The following CRMP1 variants were observed in gnomAD, a reference collection of about 807,000 sequenced individuals.
The protein encoded by CRMP1 is dihydropyrimidinase-related protein 1.
CRMP1 carries 19 observed loss-of-function variants against 68.3 expected under a neutral mutation model. The observed-to-expected ratio is 0.28, with a 90% CI of 0.19 to 0.41. The LOEUF is 0.41. Ranked by LOEUF, CRMP1 falls within the 10% of genes least tolerant of loss-of-function variation. CRMP1 has a pLI of 1.00. For missense variants in CRMP1, 791 were observed against 967.4 expected (o/e 0.82, Z 2.42); for synonymous variants, 439 against 399.6 (o/e 1.10, Z -1.18).
rs1714342972 is a variant in CRMP1, at chr4:5,870,213, C to G, written c.382-3457G>C. Reference sequence around the variant, plus strand: ...TTGATGTTACTTATCTGAGTGCCCTCCGCTCGACTTCCCCTGTTTGGGACA... The same window carrying G: ...TTGATGTTACTTATCTGAGTGCCCTGCGCTCGACTTCCCCTGTTTGGGACA... On this transcript the variant is annotated intron_variant, in intron 1 of 13. Coordinates refer to ENST00000324989, the MANE Select transcript of CRMP1 (RefSeq NM_001014809.3). This position sits in a 1 kb window ranked among gnomAD's most constrained non-coding sequence, Gnocchi z 6.0. Among the ~76,000 whole-genome samples the G allele has an allele frequency of 6.6e-6, 1 of 152,240 alleles. No homozygotes were observed. Among genetic ancestry groups the G allele is most frequent in the Non-Finnish European group, 1.5e-5 (1 of 68,046 alleles).
chr4:5,862,543 A>G (rs1392036121), intron 2 of CRMP1, among the ~76,000 whole-genome samples: 2 of 152,222 alleles, frequency 1.3e-5, no homozygotes, highest in Non-Finnish European at 2.9e-5. Context: ...ACTGGAGAAC[A>G]GCGTCTTCTA....
chr4:5,879,002 C>T lies in CRMP1; in HGVS notation c.382-12246G>A, dbSNP rs572538344. 8.5e-5 allele frequency among the ~76,000 whole-genome samples: 13 copies of T among 152,298 alleles called. No homozygotes were observed. The South Asian group carries it at 2.5e-3, about 29-fold the overall frequency. On this transcript the variant is annotated intron_variant, in intron 1 of 13. Transcript: ENST00000324989. This position sits in a 1 kb window ranked among gnomAD's most constrained non-coding sequence, Gnocchi z 4.2. ...TGCCCCAGATAAGCCCTCACCCCAT[C>T]TCCCTGCCACAGAACTTGTCCACTC...
intron 1 of CRMP1, among the ~76,000 whole-genome samples, chr4:5,868,267 A>ATCTATATATC (rs1237429822): frequency 3.0e-4 from 5 of 16,768 alleles, no homozygotes; most frequent in Non-Finnish European, 5.6e-4. Context: ...ATATCTATAT[A>ATCTATATATC]TATATATATA....
At position 5,821,011 on chromosome 4, in the gene CRMP1, C is replaced by A. The variant is rs1057052; in HGVS notation, c.*749G>T. ...CAGCCCCGAATGGGGATGGGGAGAC[C>A]TCTTTCTGAGTGTGAACCTGGCTCG... On this transcript the variant is annotated 3_prime_UTR_variant, in exon 14 of 14. Transcript: ENST00000324989. This position sits in a 1 kb window ranked among gnomAD's most constrained non-coding sequence, Gnocchi z 4.4. 0.083 allele frequency: 12,707 copies of A among 152,340 alleles called. 733 individuals carry two copies. Among genetic ancestry groups the A allele is most frequent in the African/African-American group, 0.16 (6,678 of 41,544 alleles). 9.4% of individuals were successfully genotyped at this position (152,340 alleles called of 1,614,324 possible).
At chr4:5,845,504 C>CGA (rs1560498260) in intron 6 of CRMP1, among the ~76,000 whole-genome samples, 1 of 152,192 alleles carries the variant, frequency 6.6e-6, no homozygotes, top group East Asian at 1.9e-4. Context: ...ACACCACCTA[C>CGA]GAGAGGCTGG....
chr4:5,827,177 C>G lies in CRMP1; in HGVS notation c.1803+1312G>C, dbSNP rs368466732. The stretch of plus-strand genomic sequence containing the variant: ...TGGCATTTGGGGTCAGATATCTGCC[C>G]TCACGGAAGCTGACTGTTAACCGCA... On this transcript the variant is annotated intron_variant, in intron 12 of 13. Coordinates refer to ENST00000324989, the MANE Select transcript of CRMP1 (RefSeq NM_001014809.3). Among the ~76,000 whole-genome samples the G allele has an allele frequency of 2.6e-5, 4 of 152,324 alleles. 1 individual carries two copies. Among genetic ancestry groups the G allele is most frequent in the South Asian group, 4.1e-4 (2 of 4,822 alleles).
chr4:5,825,872 T>TGCATA lies in CRMP1; in HGVS notation c.1804-214_1804-213insTATGC. On this transcript the variant is annotated intron_variant, in intron 12 of 13. Coordinates refer to ENST00000324989, the MANE Select transcript of CRMP1 (RefSeq NM_001014809.3). The surrounding 1 kb of genome is among the most constrained non-coding windows in gnomAD (Gnocchi z 4.4). ...ACACACAAGCATGCATACACACACA[T>TGCATA]CTACATACCCACATGCATACACATA... 1 of 520,286 alleles carries TGCATA rather than the reference T, an allele frequency of 1.9e-6. No individual in the cohort carries two copies. 32.2% of individuals were successfully genotyped at this position (520,286 alleles called of 1,614,324 possible).
chr4:5,892,518 C>T lies in CRMP1; in HGVS notation c.381+71G>A. On this transcript the variant is annotated intron_variant, in intron 1 of 13. Coordinates refer to ENST00000324989, the MANE Select transcript of CRMP1 (RefSeq NM_001014809.3). The surrounding 1 kb of genome is among the most constrained non-coding windows in gnomAD (Gnocchi z 8.6). ...AACACCGGGGCCCGGGCATGGCCCT[C>T]GGGCGCCCCATGCCCTGGGTCCTCC... is the stretch of plus-strand genomic sequence containing the variant. 1 of 1,151,560 alleles carries T rather than the reference C, an allele frequency of 8.7e-7. No individual in the cohort carries two copies. The highest frequency in any genetic ancestry group is 1.1e-6 in the Non-Finnish European group (1 of 935,826). The allele number at this position is 1,151,560 out of a possible 1,614,324, so 71.3% of individuals were successfully genotyped here. A position where few individuals can be genotyped will look rare whatever the true frequency, so the allele number is the denominator to read the frequency against.
In CRMP1 at chr4:5,889,853, T is replaced by TA; in HGVS notation, c.381+2735dup. The TA allele has an allele frequency of 6.9e-7, 1 of 1,448,272 alleles. No homozygotes were observed. The highest frequency in any genetic ancestry group is 2.6e-5 in the Admixed American group (1 of 38,624). The allele number at this position is 1,448,272 out of a possible 1,614,324, so 89.7% of individuals were successfully genotyped here. On this transcript the variant is annotated intron_variant, in intron 1 of 13. Transcript: ENST00000324989. This position sits in a 1 kb window ranked among gnomAD's most constrained non-coding sequence, Gnocchi z 4.5. ...GGCCAGAGACACCTGGGCCTTAAAA[T>TA]AGAGGTGAGGTTTTAGCTTCACAGA...
At chr4:5,827,832 G>T (rs1016727145) in intron 12 of CRMP1, among the ~76,000 whole-genome samples, 1 of 152,170 alleles carries the variant, frequency 6.6e-6, no homozygotes, top group African/African-American at 2.4e-5. Context: ...CCTGGCTGGG[G>T]AAGATGTTGG....
At chr4:5,869,681 C>CAAAAAAAAAAAAAAAAA (rs33973891) in intron 1 of CRMP1, among the ~76,000 whole-genome samples, 1 of 92,932 alleles carries the variant, frequency 1.1e-5, no homozygotes, top group African/African-American at 4.3e-5. Flanking sequence ...AAGACTCCGT[C>CAAAAAAAAAAAAAAAAA]AAAAAAAAAA....
Position 5,849,470 on chromosome 4 carries a change from G to A in CRMP1, c.885C>T (p.Leu295=). The change falls in exon 6 of 14, where the codon CTC becomes CTT. Residue 295 remains leucine, a splice_region_variant and synonymous_variant. Coordinates refer to ENST00000324989, the MANE Select transcript of CRMP1 (RefSeq NM_001014809.3). ...KDVYQMSDSQ[L]YEAFTFLKGL... is the part of the protein sequence containing the mutation. ...CCTTAAGGAAGGTAAAGGCTTCATA[G>A]AGCTATGGAGAGATAAACAGGGGTT... 1 of 1,606,398 alleles carries A rather than the reference G, an allele frequency of 6.2e-7. No homozygotes were observed. The highest frequency in any genetic ancestry group is 8.5e-7 in the Non-Finnish European group (1 of 1,175,456).
In CRMP1 at chr4:5,832,310, T is replaced by A. The variant is rs75117238; in HGVS notation, c.1623+3605A>T. 5.4e-3 allele frequency among the ~76,000 whole-genome samples: 825 copies of A among 152,376 alleles called. 10 individuals carry two copies. The highest frequency in any genetic ancestry group is 0.018 in the African/African-American group (767 of 41,588). ...GTACACTTCAAAATGGCAACACTTA[T>A]GGTATATGAATTATATCTCGATAAG... On this transcript the variant is annotated intron_variant, in intron 11 of 13. Transcript: ENST00000324989.
rs1715920542 is a variant in CRMP1, at chr4:5,891,119, G to C, written c.381+1470C>G. 1.3e-5 allele frequency among the ~76,000 whole-genome samples: 2 copies of C among 151,068 alleles called. No homozygotes were observed. The highest frequency in any genetic ancestry group is 6.6e-5 in the Admixed American group (1 of 15,138). The stretch of plus-strand genomic sequence containing the variant: ...GAGATACAGAAGGGGTGGGGGAAGA[G>C]GAAGCTGGACTCTCGCACCATCTCC... On this transcript the variant is annotated intron_variant, in intron 1 of 13. Coordinates refer to ENST00000324989, the MANE Select transcript of CRMP1 (RefSeq NM_001014809.3). This position sits in a 1 kb window ranked among gnomAD's most constrained non-coding sequence, Gnocchi z 5.2.
At chr4:5,862,624 G>A (rs1713662413) in intron 2 of CRMP1, among the ~76,000 whole-genome samples, 1 of 152,182 alleles carries the variant, frequency 6.6e-6, no homozygotes, top group Non-Finnish European at 1.5e-5. Flanking sequence ...CACCCCAAAT[G>A]CCATCTCAGG....
intron 1 of CRMP1, among the ~76,000 whole-genome samples, chr4:5,869,332 T>C (rs1714268312): frequency 6.6e-6 from 1 of 152,096 alleles, no homozygotes; most frequent in Admixed American, 6.5e-5. Flanking sequence ...GCTGGAGATG[T>C]GGTGACGAAG....
At chr4:5,835,074 C>CT (rs1720645990) in intron 11 of CRMP1, among the ~76,000 whole-genome samples, 1 of 152,208 alleles carries the variant, frequency 6.6e-6, no homozygotes, top group Non-Finnish European at 1.5e-5. Flanking sequence ...GCCCATACTC[C>CT]TTCTCCAGTA....
chr4:5,880,938 C>CA (rs1715183120), intron 1 of CRMP1, among the ~76,000 whole-genome samples: 1 of 152,210 alleles, frequency 6.6e-6, no homozygotes, highest in Non-Finnish European at 1.5e-5. Flanking sequence ...TGAGGAGAAT[C>CA]AGACAATTTC....
At chr4:5,822,278 T>G (rs905982607) in intron 13 of CRMP1, among the ~76,000 whole-genome samples, 3 of 152,336 alleles carry the variant, frequency 2.0e-5, no homozygotes, top group Admixed American at 2.0e-4. Flanking sequence ...CCACGTGTCT[T>G]GCGGGACACA....
Sources: gnomAD v4.1 joint callset for allele counts (sites outside exome capture counted in the v4.1 genomes callset) on GRCh38, gnomAD v4.1.1 for gene constraint, Gnocchi (gnomAD v3.1) non-coding constraint, MANE v1.5 for transcripts, NCBI Gene and HGNC (gene_info 2026-07-23, HGNC 2026-07-21) for gene names.